Variants in RXFP1 observed in about 807,000 individuals in gnomAD.
RXFP1 encodes relaxin receptor 1.
Under a neutral mutation model 89.8 loss-of-function variants are expected in RXFP1, and 73 were observed. That is an observed-to-expected ratio of 0.81 (90% CI 0.67 to 0.99). The LOEUF is 0.99. Ranked by LOEUF, RXFP1 falls within the 50% of genes least tolerant of loss-of-function variation. RXFP1 has a pLI of 0.00. For missense variants in RXFP1, 793 were observed against 895.5 expected (o/e 0.89, Z 1.46); for synonymous variants, 277 against 305.5 (o/e 0.91, Z 0.97).
chr4:158,622,507 G>C (rs1178485551), intron 9 of RXFP1, among the ~76,000 whole-genome samples: 1 of 152,216 alleles, frequency 6.6e-6, no homozygotes, highest in Admixed American at 6.5e-5. Context: ...AGAAAATGTG[G>C]TAGATATATA....
intron 1 of RXFP1, among the ~76,000 whole-genome samples, chr4:158,525,584 G>C (rs914787631): frequency 1.3e-5 from 2 of 152,170 alleles, no homozygotes; most frequent in African/African-American, 4.8e-5. Flanking sequence ...GAGTATTCTA[G>C]TTAGGTTTAA....
chr4:158,644,861 C>A, intron 14 of RXFP1, 48 bp from the exon 15 acceptor site: 1 of 1,240,292 alleles, frequency 8.1e-7, no homozygotes, highest in Non-Finnish European at 1.2e-6. Context: ...TGTATGGTGA[C>A]ACTGAATTAA....
At chr4:158,578,440 C>G (rs566868142) in intron 2 of RXFP1, among the ~76,000 whole-genome samples, 1 of 152,142 alleles carries the variant, frequency 6.6e-6, no homozygotes, top group South Asian at 2.1e-4. Flanking sequence ...AACAAAGGAA[C>G]CTGATAACAA....
intron 12 of RXFP1, among the ~76,000 whole-genome samples, chr4:158,636,629 C>G (rs1314934793): frequency 6.6e-6 from 1 of 152,164 alleles, no homozygotes; most frequent in Non-Finnish European, 1.5e-5. Flanking sequence ...CTTTATTTCA[C>G]TGACAAACAA....
intron 9 of RXFP1, among the ~76,000 whole-genome samples, chr4:158,623,397 G>T (rs1766019792): frequency 6.8e-6 from 1 of 147,708 alleles, no homozygotes; most frequent in Non-Finnish European, 1.5e-5. Context: ...AGCAAATCAG[G>T]AGGCTGAGGC....
chr4:158,547,482 T>C (rs985080115), intron 1 of RXFP1, among the ~76,000 whole-genome samples: 20 of 152,132 alleles, frequency 1.3e-4, no homozygotes, highest in African/African-American at 4.6e-4. Context: ...TATTTCTTGC[T>C]TCCTGCTAGC....
intron 1 of RXFP1, among the ~76,000 whole-genome samples, chr4:158,545,214 T>C (rs1157276653): frequency 6.6e-6 from 1 of 152,102 alleles, no homozygotes; most frequent in African/African-American, 2.4e-5. Flanking sequence ...ATGAGCATTT[T>C]TTCATGTGTT....
chr4:158,529,681 A>G (rs1181441251), intron 1 of RXFP1, among the ~76,000 whole-genome samples: 2 of 152,128 alleles, frequency 1.3e-5, no homozygotes, highest in South Asian at 4.1e-4. Flanking sequence ...AGCAACCTAG[A>G]TACTGGCTTC....
At chr4:158,539,695 T>C (rs1429277957) in intron 1 of RXFP1, among the ~76,000 whole-genome samples, 2 of 152,192 alleles carry the variant, frequency 1.3e-5, no homozygotes, top group Non-Finnish European at 2.9e-5. Context: ...CCATGGTGCT[T>C]ACAATTTCAT....
chr4:158,640,241 G>A (rs1418087069), intron 14 of RXFP1, among the ~76,000 whole-genome samples: 1 of 152,216 alleles, frequency 6.6e-6, no homozygotes, highest in African/African-American at 2.4e-5. Context: ...CTTGTAAGAA[G>A]TTCTCCTCAG....
chr4:158,565,371 T>A (rs949012161), intron 1 of RXFP1, among the ~76,000 whole-genome samples: 2 of 152,164 alleles, frequency 1.3e-5, no homozygotes, highest in Admixed American at 1.3e-4. Context: ...TGAATAACCA[T>A]ACATATATTT....
chr4:158,606,924 T>G (rs1762639125), intron 5 of RXFP1: 1 of 725,480 alleles, frequency 1.4e-6, no homozygotes, highest in Non-Finnish European at 2.4e-6. Context: ...AGTTAGGTTT[T>G]CTTGCATGTT....
intron 10 of RXFP1, among the ~76,000 whole-genome samples, chr4:158,628,070 C>G (rs1227644863): frequency 2.0e-5 from 3 of 152,026 alleles, no homozygotes; most frequent in African/African-American, 7.3e-5. Context: ...AAATTAAAAG[C>G]CCTTTAAAAC....
At chr4:158,596,984 A>G (rs1018384645) in intron 3 of RXFP1, among the ~76,000 whole-genome samples, 3 of 152,238 alleles carry the variant, frequency 2.0e-5, no homozygotes, top group Non-Finnish European at 4.4e-5. Context: ...ATTAAAAAAA[A>G]GTAATTTTTT....
chr4:158,597,682 G>T (rs1162733812), intron 3 of RXFP1, among the ~76,000 whole-genome samples: 1 of 151,678 alleles, frequency 6.6e-6, no homozygotes, highest in Non-Finnish European at 1.5e-5. Flanking sequence ...CAACATATAT[G>T]AATTATCTTA....
chr4:158,652,087 T>A lies in RXFP1; in HGVS notation c.*32T>A. On this transcript the variant is annotated 3_prime_UTR_variant, in exon 18 of 18. Transcript: ENST00000307765. ...CTGAAATTCATTTCTTCGCAGAGAA[T>A]ACTGTGGGGGTGCTTCATGAGGGAT... 6.4e-7 allele frequency: 1 copy of A among 1,568,392 alleles called. No individual in the cohort carries two copies.
chr4:158,608,685 T>G (rs1762996901), intron 6 of RXFP1, among the ~76,000 whole-genome samples: 2 of 152,196 alleles, frequency 1.3e-5, no homozygotes, highest in South Asian at 4.1e-4. Context: ...TTAAGTACAT[T>G]GACATTGTTA....
chr4:158,620,961 A>C (rs868694253), intron 9 of RXFP1, among the ~76,000 whole-genome samples: 20 of 152,070 alleles, frequency 1.3e-4, no homozygotes, highest in African/African-American at 4.6e-4. Flanking sequence ...TCTCTATTAA[A>C]ATTTTTTTTA....
intron 1 of RXFP1, among the ~76,000 whole-genome samples, chr4:158,556,631 A>G (rs916314690): frequency 5.3e-5 from 8 of 152,220 alleles, no homozygotes; most frequent in African/African-American, 1.9e-4. Flanking sequence ...CTGCAGCACC[A>G]TTTGCAATAA....
Sources: allele counts gnomAD v4.1 joint callset (sites outside exome capture counted in the v4.1 genomes callset), GRCh38; gene constraint gnomAD v4.1.1; transcripts MANE v1.5; gene names NCBI Gene and HGNC (gene_info 2026-07-23, HGNC 2026-07-21).